The following UBE2E2 variants were observed in gnomAD, a reference collection of about 807,000 sequenced individuals.
UBE2E2 encodes the protein ubiquitin-conjugating enzyme E2 E2.
UBE2E2 carries 6 observed loss-of-function variants against 24.7 expected under a neutral mutation model. The ratio of observed to expected loss-of-function variants is 0.24; its 90% CI spans 0.13 to 0.48. UBE2E2 has a LOEUF of 0.48. UBE2E2 is among the 20% of genes least tolerant of loss of function. The pLI is 0.99. For missense variants in UBE2E2, 169 were observed against 245.0 expected (o/e 0.69, Z 2.07); for synonymous variants, 104 against 83.6 (o/e 1.24, Z -1.33).
intron 2 of UBE2E2, among the ~76,000 whole-genome samples, chr3:23,211,227 G>A (rs1158030351): frequency 6.6e-6 from 1 of 152,034 alleles, no homozygotes; most frequent in Non-Finnish European, 1.5e-5. Flanking sequence ...GTTAGAGGTA[G>A]TTTCAAAATA....
rs537361139 is a variant in UBE2E2 at position 23,589,842 on chromosome 3, C to T, written c.*11C>T. 81 of 1,613,924 alleles carry T rather than the reference C, an allele frequency of 5.0e-5. 1 individual carries two copies. In the South Asian group the frequency reaches 8.5e-4, roughly 17 times the overall value. Reference sequence around the variant, plus strand: ...CGGTACGCCACATAGGGGCCTGCTGCCTGCCGCCCCGCGGGACCTGTGCAA... The same window carrying T: ...CGGTACGCCACATAGGGGCCTGCTGTCTGCCGCCCCGCGGGACCTGTGCAA... On this transcript the variant is annotated 3_prime_UTR_variant, in exon 6 of 6. Transcript: ENST00000396703. The surrounding 1 kb of genome is among the most constrained non-coding windows in gnomAD (Gnocchi z 4.1).
At chr3:23,535,894 G>A (rs542272701) in intron 5 of UBE2E2, among the ~76,000 whole-genome samples, 1 of 152,070 alleles carries the variant, frequency 6.6e-6, no homozygotes, top group African/African-American at 2.4e-5. Flanking sequence ...GTGCTGGGAT[G>A]ACAGGCGTGA....
rs77177510 is a variant in UBE2E2 at position 23,305,464 on chromosome 3, C to T, written c.227+88152C>T. ...CAGTTAGTACAGTTTAGATACATTG[C>T]GGTGATTTGAAATAAGGCACCAGGA... On this transcript the variant is annotated intron_variant, in intron 3 of 5. Coordinates refer to ENST00000396703, the MANE Select transcript of UBE2E2 (RefSeq NM_152653.4). Among the ~76,000 whole-genome samples the T allele has an allele frequency of 5.2e-3, 798 of 152,252 alleles. 7 individuals are homozygous for T. Among genetic ancestry groups the T allele is most frequent in the African/African-American group, 0.018 (761 of 41,536 alleles).
At position 23,391,893 on chromosome 3, in the gene UBE2E2, C is replaced by T. The variant is rs1696944324; in HGVS notation, c.228-107715C>T. Among the ~76,000 whole-genome samples the T allele has an allele frequency of 2.6e-5, 4 of 152,182 alleles. No homozygotes were observed. The South Asian group carries it at 8.3e-4, about 32-fold the overall frequency. On this transcript the variant is annotated intron_variant, in intron 3 of 5. Transcript: ENST00000396703. ...AGGGTGATTTAAGACGTTATTACCC[C>T]TCCACCATTGTTCTATTATGTACCC... is the stretch of plus-strand genomic sequence containing the variant.
chr3:23,464,878 ATGTC>A (rs770343163), intron 3 of UBE2E2, among the ~76,000 whole-genome samples: 3 of 152,190 alleles, frequency 2.0e-5, no homozygotes, highest in Non-Finnish European at 4.4e-5. Context: ...TGTTTTTCAA[ATGTC>A]TGTGAAGTCC....
At position 23,220,846 on chromosome 3, in the gene UBE2E2, T is replaced by C. The variant is rs576496630; in HGVS notation, c.227+3534T>C. ...GTAACTTTCACAGTTCTTCACAAATTGTTAAAAGCAAGATCTTAGATCTGT... is the reference window on the plus strand; with the variant it reads ...GTAACTTTCACAGTTCTTCACAAATCGTTAAAAGCAAGATCTTAGATCTGT... On this transcript the variant is annotated intron_variant, in intron 3 of 5. Transcript: ENST00000396703. 4.3e-4 allele frequency among the ~76,000 whole-genome samples: 65 copies of C among 152,322 alleles called. 1 individual carries two copies. Among genetic ancestry groups the C allele is most frequent in the Non-Finnish European group, 8.8e-5 (6 of 68,032 alleles).
At chr3:23,221,933 T>G (rs35799553) in intron 3 of UBE2E2, among the ~76,000 whole-genome samples, 1,781 of 152,334 alleles carry the variant, frequency 0.012, 21 homozygotes, top group Non-Finnish European at 0.02. Flanking sequence ...ATTTACCATC[T>G]TTACCATTTT....
intron 3 of UBE2E2, among the ~76,000 whole-genome samples, chr3:23,414,819 C>T (rs1697584856): frequency 6.6e-6 from 1 of 152,188 alleles, no homozygotes; most frequent in Non-Finnish European, 1.5e-5. Context: ...CATATGAGAA[C>T]ACGTAAGGTG....
At chr3:23,411,169 T>C (rs778470) in intron 3 of UBE2E2, among the ~76,000 whole-genome samples, 92,810 of 151,988 alleles carry the variant, frequency 0.61, 28,915 homozygotes, top group African/African-American at 0.72. Context: ...TCAGGCAGCA[T>C]GCTCTTCCGC....
intron 3 of UBE2E2, among the ~76,000 whole-genome samples, chr3:23,274,699 C>T (rs963358126): frequency 1.3e-5 from 2 of 152,102 alleles, no homozygotes; most frequent in Non-Finnish European, 2.9e-5. Flanking sequence ...TGTATTCCTT[C>T]ATATGTGTGT....
chr3:23,230,006 G>A (rs181248521), intron 3 of UBE2E2, among the ~76,000 whole-genome samples: 22 of 152,164 alleles, frequency 1.4e-4, no homozygotes, highest in African/African-American at 5.1e-4. Flanking sequence ...TTGTAGTTAG[G>A]TATTTATGTT....
chr3:23,251,661 T>C (rs1697577565), intron 3 of UBE2E2, among the ~76,000 whole-genome samples: 1 of 152,228 alleles, frequency 6.6e-6, no homozygotes, highest in Non-Finnish European at 1.5e-5. Context: ...TTAACTTCTG[T>C]TTAGAATTAA....
At chr3:23,559,712 A>G (rs927873987) in intron 5 of UBE2E2, among the ~76,000 whole-genome samples, 1 of 152,212 alleles carries the variant, frequency 6.6e-6, no homozygotes, top group South Asian at 2.1e-4. Flanking sequence ...TGGTTAAAAT[A>G]TTAAACATGA....
chr3:23,531,013 T>A (rs193166260), intron 4 of UBE2E2, among the ~76,000 whole-genome samples: 6 of 152,314 alleles, frequency 3.9e-5, no homozygotes, highest in Admixed American at 3.9e-4. Flanking sequence ...CTTCAACATT[T>A]CTAGGCATTT....
intron 3 of UBE2E2, among the ~76,000 whole-genome samples, chr3:23,308,937 A>C (rs1198137212): frequency 6.6e-6 from 1 of 152,212 alleles, no homozygotes; most frequent in Non-Finnish European, 1.5e-5. Flanking sequence ...AAGGCTGAAG[A>C]ACCTGGAGTC....
At position 23,367,756 on chromosome 3, in the gene UBE2E2, G is replaced by A. The variant is rs553904438; in HGVS notation, c.228-131852G>A. Among the ~76,000 whole-genome samples, 8 of 152,202 alleles carry A rather than the reference G, an allele frequency of 5.3e-5. No individual in the cohort carries two copies. The South Asian group carries it at 1.7e-3, about 32-fold the overall frequency. On this transcript the variant is annotated intron_variant, in intron 3 of 5. Transcript: ENST00000396703. ...GTTCTGGAGACCCAGACTTGTGACT[G>A]TTGTGCAAAGGCGGAGGGGTGGGAG...
intron 3 of UBE2E2, among the ~76,000 whole-genome samples, chr3:23,482,826 T>G (rs1002691262): frequency 6.6e-6 from 1 of 152,148 alleles, no homozygotes; most frequent in African/African-American, 2.4e-5. Flanking sequence ...GTCACTAAGG[T>G]TAAAGAAGAT....
intron 2 of UBE2E2, among the ~76,000 whole-genome samples, chr3:23,209,258 G>A (rs1696247412): frequency 6.6e-6 from 1 of 152,156 alleles, no homozygotes; most frequent in South Asian, 2.1e-4. Flanking sequence ...CTGAGTGAGT[G>A]ACAGTTTATT....
At chr3:23,503,060 T>C (rs1215302174) in intron 4 of UBE2E2, among the ~76,000 whole-genome samples, 1 of 152,140 alleles carries the variant, frequency 6.6e-6, no homozygotes, top group Non-Finnish European at 1.5e-5. Flanking sequence ...GTGTAAAAGC[T>C]TTTTACACCT....
Sources: gnomAD v4.1 joint callset for allele counts (sites outside exome capture counted in the v4.1 genomes callset) on GRCh38, gnomAD v4.1.1 for gene constraint, Gnocchi (gnomAD v3.1) non-coding constraint, MANE v1.5 for transcripts, NCBI Gene and HGNC (gene_info 2026-07-23, HGNC 2026-07-21) for gene names.